Variants in CERKL observed in about 807,000 individuals in gnomAD.
CERKL encodes the protein CERK like autophagy regulator.
A neutral mutation model predicts 63.4 loss-of-function variants in CERKL; 61 were observed. That is an observed-to-expected ratio of 0.96 (90% CI 0.78 to 1.19). The LOEUF (loss-of-function observed/expected upper bound fraction) is 1.19, where lower values mean the gene tolerates loss of function less well. CERKL is among the 50% of genes most tolerant of loss of function. The pLI is 0.00. For missense variants in CERKL, 675 were observed against 655.5 expected, an observed-to-expected ratio of 1.03 and a Z score of -0.33; for synonymous variants, 250 against 230.5, an observed-to-expected ratio of 1.08 and a Z score of -0.77.
intron 11 of CERKL, among the ~76,000 whole-genome samples, chr2:181,540,376 T>G (rs544111785): frequency 1.3e-5 from 2 of 152,348 alleles, no homozygotes; most frequent in East Asian, 3.9e-4. Flanking sequence ...TGTTATGATC[T>G]AAATTATATT....
At chr2:181,587,380 T>A (rs1034809595) in intron 2 of CERKL, among the ~76,000 whole-genome samples, 1 of 152,072 alleles carries the variant, frequency 6.6e-6, no homozygotes. Context: ...AGAATTTAAA[T>A]GATAAAAGAG....
intron 5 of CERKL, among the ~76,000 whole-genome samples, chr2:181,555,224 A>G (rs1354185411): frequency 2.0e-5 from 3 of 152,198 alleles, no homozygotes; most frequent in Non-Finnish European, 4.4e-5. Context: ...ATGGCAGTCA[A>G]TGAATGACCT....
At chr2:181,653,180 AG>A (rs1688010938) in intron 1 of CERKL, among the ~76,000 whole-genome samples, 1 of 152,242 alleles carries the variant, frequency 6.6e-6, no homozygotes, top group South Asian at 2.1e-4. Context: ...ACTAATCATC[AG>A]GGAAATGCAA....
rs1039627019 is a variant in CERKL, at chr2:181,550,260, T to C, written c.821-552A>G. On this transcript the variant is annotated intron_variant, in intron 5 of 12. Transcript: ENST00000410087. This position sits in a 1 kb window ranked among gnomAD's most constrained non-coding sequence, Gnocchi z 4.5. ...TGTTATCTGACAAATGTCTCCTACATTGAAGAAAATGTTTAATTCAATTGT... is the reference window on the plus strand; with the variant it reads ...TGTTATCTGACAAATGTCTCCTACACTGAAGAAAATGTTTAATTCAATTGT... Among the ~76,000 whole-genome samples the C allele has an allele frequency of 2.0e-5, 3 of 152,214 alleles. No homozygotes were observed. The highest frequency in any genetic ancestry group is 4.8e-5 in the African/African-American group (2 of 41,456).
chr2:181,570,815 A>G (rs1688871019), intron 3 of CERKL, among the ~76,000 whole-genome samples: 1 of 152,182 alleles, frequency 6.6e-6, no homozygotes, highest in African/African-American at 2.4e-5. Context: ...TCTTCATATT[A>G]TACTTCATAT....
chr2:181,622,265 T>C (rs556429899), intron 1 of CERKL, among the ~76,000 whole-genome samples: 1 of 152,216 alleles, frequency 6.6e-6, no homozygotes, highest in Non-Finnish European at 1.5e-5. Context: ...CGCATGCTCT[T>C]TGCCCCCATG....
chr2:181,544,755 G>T lies in CERKL; in HGVS notation c.1310C>A (p.Thr437Asn). ...GSMALIIARN[T>N]SRPEFIKHLK... ...GTGTTTTATAAATTCTGGCCGAGAAGTGTTTCGGGCAATTATAAGAGCCAT... is the reference window on the plus strand; with the variant it reads ...GTGTTTTATAAATTCTGGCCGAGAATTGTTTCGGGCAATTATAAGAGCCAT... The change falls in exon 11 of 13, where the codon ACT becomes AAT. Residue 437 changes from threonine (T) to asparagine (N), a missense_variant. Coordinates refer to ENST00000410087, the MANE Select transcript of CERKL (RefSeq NM_201548.5). 1 of 1,608,726 alleles carries T rather than the reference G, an allele frequency of 6.2e-7. No homozygotes were observed. The highest frequency in any genetic ancestry group is 8.5e-7 in the Non-Finnish European group (1 of 1,176,486).
chr2:181,595,085 T>TC lies in CERKL; in HGVS notation c.481+8751dup, dbSNP rs1685143991. Among the ~76,000 whole-genome samples, 3 of 152,322 alleles carry TC rather than the reference T, an allele frequency of 2.0e-5. No homozygotes were observed. The South Asian group carries it at 6.2e-4, about 32-fold the overall frequency. The stretch of plus-strand genomic sequence containing the variant: ...TATTAAGTGATAATCCATTATACTC[T>TC]CATCTAAGGATTGAGTCAATGTTTT... On this transcript the variant is annotated intron_variant, in intron 2 of 12. Coordinates refer to ENST00000410087, the MANE Select transcript of CERKL (RefSeq NM_201548.5).
intron 1 of CERKL, among the ~76,000 whole-genome samples, chr2:181,629,962 GAAA>G (rs10562771): frequency 2.3e-5 from 3 of 130,060 alleles, no homozygotes; most frequent in Admixed American, 7.6e-5. Flanking sequence ...CATTGTCTTG[GAAA>G]AAAAAAAAAA....
chr2:181,578,484 G>T (rs1684354897), intron 2 of CERKL, among the ~76,000 whole-genome samples: 1 of 150,080 alleles, frequency 6.7e-6, no homozygotes, highest in Admixed American at 6.6e-5. Context: ...ATTTTTTCTA[G>T]AGATGGGGTT....
chr2:181,579,302 A>C (rs1030021723), intron 2 of CERKL, among the ~76,000 whole-genome samples: 2 of 152,004 alleles, frequency 1.3e-5, no homozygotes, highest in African/African-American at 2.4e-5. Flanking sequence ...ATAAACCCAC[A>C]GTATGTTCAA....
chr2:181,559,570 T>C (rs1559077461), intron 4 of CERKL, among the ~76,000 whole-genome samples: 1 of 152,150 alleles, frequency 6.6e-6, no homozygotes, highest in Non-Finnish European at 1.5e-5. Context: ...TGTGGCCCAC[T>C]CACATCACGT....
intron 11 of CERKL, among the ~76,000 whole-genome samples, chr2:181,542,034 C>T (rs1687530506): frequency 6.6e-6 from 1 of 152,060 alleles, no homozygotes; most frequent in African/African-American, 2.4e-5. Flanking sequence ...GGCAATGAGG[C>T]CATCCAGGAG....
Position 181,544,762 on chromosome 2 carries a change from G to C in CERKL, c.1303C>G (p.Arg435Gly). 1.2e-6 allele frequency: 2 copies of C among 1,607,448 alleles called. No individual in the cohort carries two copies. The highest frequency in any genetic ancestry group is 1.7e-6 in the Non-Finnish European group (2 of 1,175,776). Residue 435 changes from arginine to glycine, a missense_variant, in exon 11 of 13, where the codon CGA becomes GGA. Coordinates refer to ENST00000410087, the MANE Select transcript of CERKL (RefSeq NM_201548.5). The stretch of plus-strand genomic sequence containing the variant: ...ATAAATTCTGGCCGAGAAGTGTTTC[G>C]GGCAATTATAAGAGCCATACTTCCA... ...NNGSMALIIA[R>G]NTSRPEFIKH...
chr2:181,543,627 G>T (rs1369895762), intron 11 of CERKL, among the ~76,000 whole-genome samples: 2 of 152,106 alleles, frequency 1.3e-5, no homozygotes, highest in African/African-American at 4.8e-5. Context: ...CATTGGCTGG[G>T]TTTACTCTCC....
At chr2:181,656,236 A>AG (rs1688148404) in intron 1 of CERKL, among the ~76,000 whole-genome samples, 4 of 152,206 alleles carry the variant, frequency 2.6e-5, no homozygotes, top group Admixed American at 2.6e-4. Context: ...AAGGAAGGTG[A>AG]GGGGCAGAAA....
rs554745559 is a variant in CERKL, at chr2:181,584,994, A to G, written c.482-11110T>C. On this transcript the variant is annotated intron_variant, in intron 2 of 12. Coordinates refer to ENST00000410087, the MANE Select transcript of CERKL (RefSeq NM_201548.5). The stretch of plus-strand genomic sequence containing the variant: ...TGCACTTTTCGTTTCCTCTGCTTGG[A>G]CCATGTTTTCCTTCATATATCGATA... 3.3e-5 allele frequency among the ~76,000 whole-genome samples: 5 copies of G among 151,132 alleles called. No individual in the cohort carries two copies. The East Asian group carries it at 5.9e-4, about 18-fold the overall frequency.
chr2:181,584,093 G>A (rs1684655395), intron 2 of CERKL, among the ~76,000 whole-genome samples: 1 of 152,176 alleles, frequency 6.6e-6, no homozygotes, highest in African/African-American at 2.4e-5. Flanking sequence ...ACAGAAAAAT[G>A]TTAAGATCTG....
rs1447870592 is a variant in CERKL, at chr2:181,549,666, T to C, written c.863A>G (p.His288Arg). The change falls in exon 6 of 13, where the codon CAT becomes CGT. Residue 288 changes from histidine to arginine, a missense_variant. Transcript: ENST00000410087. ...VLAHSLHGVPHVITATLHIIM... is the reference protein window; with the variant it reads ...VLAHSLHGVPRVITATLHIIM... The stretch of plus-strand genomic sequence containing the variant: ...AATGTGCAATGTTGCAGTTATCACA[T>C]GAGGAACTCCATGAAGAGAATGTGC... 6.2e-7 allele frequency: 1 copy of C among 1,612,448 alleles called. No homozygotes were observed. Among genetic ancestry groups the C allele is most frequent in the African/African-American group, 1.3e-5 (1 of 74,854 alleles).
Sources: gnomAD v4.1 joint callset for allele counts (sites outside exome capture counted in the v4.1 genomes callset) on GRCh38, gnomAD v4.1.1 for gene constraint, Gnocchi (gnomAD v3.1) non-coding constraint, MANE v1.5 for transcripts, NCBI Gene and HGNC (gene_info 2026-07-23, HGNC 2026-07-21) for gene names.